Variants in UBXN8 observed in about 807,000 individuals in gnomAD.
UBXN8 encodes UBX domain-containing protein 8.
A neutral mutation model predicts 32.1 loss-of-function variants in UBXN8; 27 were observed. The observed-to-expected ratio is 0.84, with a 90% confidence interval of 0.62 to 1.16. UBXN8 has a LOEUF of 1.16. Among genes scored for constraint, UBXN8 ranks in the 50% most tolerant of loss-of-function variants. The pLI, the probability that UBXN8 is intolerant of heterozygous loss-of-function variation, is 0.00. For synonymous variants in UBXN8, 109 were observed against 111.8 expected (o/e 0.98, Z 0.16); for missense variants, 306 against 311.4 (o/e 0.98, Z 0.13).
At chr8:30,731,114 A>G (rs1804941523), upstream of UBXN8, among the ~76,000 whole-genome samples, 1 of 152,200 alleles carries the variant, frequency 6.6e-6, no homozygotes. Context: ...TTGGAAGAAC[A>G]AATGCCCTCA....
At chr8:30,756,652 T>A in intron 4 of UBXN8, 113 bp from the exon 5 acceptor site, 1 of 1,470,922 alleles carries the variant, frequency 6.8e-7, no homozygotes, top group South Asian at 1.3e-5. Context: ...CTTGCTAATA[T>A]TTTTCTACTG....
rs189625601 is a variant in UBXN8 at position 30,734,492 on chromosome 8, C to T, written c.622+1184C>T. 1.2e-3 allele frequency among the ~76,000 whole-genome samples: 180 copies of T among 152,134 alleles called. 1 individual carries two copies. Among genetic ancestry groups the T allele is most frequent in the African/African-American group, 4.2e-3 (176 of 41,524 alleles). On this transcript the variant is annotated intron_variant, in intron 1 of 1. Coordinates refer to the UBXN8 transcript ENST00000522968. Reference sequence around the variant, plus strand: ...AAAATTAGCTGGGTGTGGTGGGATACACCTGTAGTCCTGGCTACTCTGGAG... The same window carrying T: ...AAAATTAGCTGGGTGTGGTGGGATATACCTGTAGTCCTGGCTACTCTGGAG...
intron 3 of UBXN8, 171 bp from the exon 4 acceptor site, chr8:30,754,494 G>T: frequency 1.3e-6 from 1 of 787,732 alleles, no homozygotes. Context: ...CCCGCTTGCT[G>T]TCCAGCTGTC....
upstream of UBXN8, among the ~76,000 whole-genome samples, chr8:30,739,540 T>C (rs909956796): frequency 1.3e-5 from 2 of 152,040 alleles, no homozygotes; most frequent in Non-Finnish European, 2.9e-5. Context: ...CGAGACCCTG[T>C]CTCAAAAAAT....
At chr8:30,750,768 G>C (rs1805498697) in intron 1 of UBXN8, among the ~76,000 whole-genome samples, 3 of 68,478 alleles carry the variant, frequency 4.4e-5, no homozygotes, top group Non-Finnish European at 1.3e-4. Flanking sequence ...GCGAGACTCT[G>C]TCTCAAAAAA....
chr8:30,736,625 A>G (rs1221309233), intron 1 of UBXN8, among the ~76,000 whole-genome samples: 1 of 152,008 alleles, frequency 6.6e-6, no homozygotes, highest in Non-Finnish European at 1.5e-5. Flanking sequence ...GGCACCCACC[A>G]CCATGCCCAG....
chr8:30,758,903 T>TG (rs1805747987), intron 5 of UBXN8, among the ~76,000 whole-genome samples: 7 of 143,410 alleles, frequency 4.9e-5, no homozygotes, highest in Admixed American at 1.4e-4. Context: ...TGTTTTTTTT[T>TG]TTTTTTTTGA....
At position 30,764,875 on chromosome 8, in the gene UBXN8, C is replaced by A. The variant is rs546688602; in HGVS notation, c.646-1352C>A. ...GACCATCCTGGCCAACATGGTGAAA[C>A]CTTGTCTCTACTAAAAATACAAAAA... is the stretch of plus-strand genomic sequence containing the variant. On this transcript the variant is annotated intron_variant, in intron 7 of 7. Transcript: ENST00000265616. Among the ~76,000 whole-genome samples, 5 of 152,122 alleles carry A rather than the reference C, an allele frequency of 3.3e-5. No individual in the cohort carries two copies. In the South Asian group the frequency reaches 8.3e-4, roughly 25 times the overall value.
chr8:30,736,483 AT>A (rs1360408830), intron 1 of UBXN8, among the ~76,000 whole-genome samples: 1 of 151,948 alleles, frequency 6.6e-6, no homozygotes, highest in Non-Finnish European at 1.5e-5. Flanking sequence ...TTTACTTTTT[AT>A]TTTTTTGAGA....
chr8:30,753,771 C>CTTT lies in UBXN8; in HGVS notation c.282+683_282+685dup, dbSNP rs748807226. 6.2e-4 allele frequency among the ~76,000 whole-genome samples: 76 copies of CTTT among 122,584 alleles called. 4 individuals are homozygous for CTTT. Among genetic ancestry groups the CTTT allele is most frequent in the African/African-American group, 1.9e-3 (58 of 31,112 alleles). 80.4% of individuals were successfully genotyped at this position (122,584 alleles called of 152,430 possible). A position where few individuals can be genotyped will look rare whatever the true frequency, so the allele number is the denominator to read the frequency against. ...AATATTCCATTGAATAGATATACCACTTTTTTTTTTTTTTTTTTTGAGACT... is the reference window on the plus strand; with the variant it reads ...AATATTCCATTGAATAGATATACCACTTTTTTTTTTTTTTTTTTTTTTGAGACT... On this transcript the variant is annotated intron_variant, in intron 3 of 7. Transcript: ENST00000265616.
chr8:30,737,010 T>C (rs890493564), intron 1 of UBXN8, among the ~76,000 whole-genome samples: 1 of 152,194 alleles, frequency 6.6e-6, no homozygotes, highest in African/African-American at 2.4e-5. Context: ...TTGGGAATAA[T>C]GTTCATCATC....
intron 1 of UBXN8, among the ~76,000 whole-genome samples, chr8:30,746,235 G>A (rs1805354254): frequency 6.6e-6 from 1 of 151,990 alleles, no homozygotes; most frequent in Admixed American, 6.6e-5. Context: ...AATTCTGAAC[G>A]AATGATTGTT....
upstream of UBXN8, among the ~76,000 whole-genome samples, chr8:30,741,863 A>G (rs562075142): frequency 2.6e-4 from 40 of 152,362 alleles, no homozygotes; most frequent in Non-Finnish European, 5.4e-4. Context: ...CACAAACAAC[A>G]AAGTTTGGGA....
In UBXN8 at chr8:30,755,177, A is replaced by G. The variant is rs370578780; in HGVS notation, c.405+390A>G. ...TCACCGTGTTAGCCAGGATGGTCTC[A>G]ATCTCCTGACCTCATGATCCGCCCG... On this transcript the variant is annotated intron_variant, in intron 4 of 7. Coordinates refer to ENST00000265616, the MANE Select transcript of UBXN8 (RefSeq NM_005671.4). 5.3e-5 allele frequency among the ~76,000 whole-genome samples: 8 copies of G among 151,930 alleles called. No homozygotes were observed. In the East Asian group the frequency reaches 1.6e-3, roughly 30 times the overall value.
At chr8:30,757,998 C>A (rs531000130) in intron 5 of UBXN8, among the ~76,000 whole-genome samples, 1 of 151,958 alleles carries the variant, frequency 6.6e-6, no homozygotes, top group East Asian at 2.0e-4. Context: ...ACCATTCTCA[C>A]CATTCTCCTG....
upstream of UBXN8, among the ~76,000 whole-genome samples, chr8:30,730,585 A>G (rs1804927757): frequency 6.6e-6 from 1 of 152,124 alleles, no homozygotes; most frequent in Non-Finnish European, 1.5e-5. Flanking sequence ...AATGAAAGAG[A>G]GGATATGCAA....
In UBXN8 at chr8:30,766,442, C is replaced by T; in HGVS notation, c.*48C>T. The T allele has an allele frequency of 2.0e-6, 3 of 1,479,706 alleles. No homozygotes were observed. Among genetic ancestry groups the T allele is most frequent in the Non-Finnish European group, 2.7e-6 (3 of 1,107,518 alleles). 91.7% of individuals were successfully genotyped at this position (1,479,706 alleles called of 1,614,324 possible). A position where few individuals can be genotyped will look rare whatever the true frequency, so the allele number is the denominator to read the frequency against. On this transcript the variant is annotated 3_prime_UTR_variant, in exon 8 of 8. Coordinates refer to ENST00000265616, the MANE Select transcript of UBXN8 (RefSeq NM_005671.4). The stretch of plus-strand genomic sequence containing the variant: ...TTGCATGAAGTCAGTTATGCTATGA[C>T]CTTCTGGCACAATAAAGGCTTCACT...
intron 6 of UBXN8, among the ~76,000 whole-genome samples, chr8:30,762,221 C>T (rs117764491): frequency 0.013 from 1,941 of 151,832 alleles, 21 homozygotes; most frequent in South Asian, 0.024. Flanking sequence ...GTGCCACCAG[C>T]CCTGACTAAT....
At chr8:30,761,716 G>GA (rs151052975) in intron 6 of UBXN8, among the ~76,000 whole-genome samples, 3,612 of 146,564 alleles carry the variant, frequency 0.025, 141 homozygotes, top group African/African-American at 0.085. Context: ...CTACAAAAAG[G>GA]AAAAAAAAAA....
Sources: gnomAD v4.1 joint callset for allele counts (sites outside exome capture counted in the v4.1 genomes callset) on GRCh38, gnomAD v4.1.1 for gene constraint, MANE v1.5 for transcripts, NCBI Gene and HGNC (gene_info 2026-07-23, HGNC 2026-07-21) for gene names.